The following PDZRN3 variants were observed in gnomAD, a reference collection of about 807,000 sequenced individuals.
PDZRN3 encodes the protein E3 ubiquitin-protein ligase PDZRN3.
A neutral mutation model predicts 85.7 loss-of-function variants in PDZRN3; 38 were observed. That is an observed-to-expected ratio of 0.44 (90% CI 0.34 to 0.58). The LOEUF (loss-of-function observed/expected upper bound fraction) is 0.58. PDZRN3 is among the 20% of genes least tolerant of loss of function. PDZRN3 has a pLI of 0.01. For synonymous variants in PDZRN3, 759 were observed against 638.0 expected (o/e 1.19, Z -2.86); for missense variants, 1,629 against 1,506.4 (o/e 1.08, Z -1.35).
intron 2 of PDZRN3, among the ~76,000 whole-genome samples, chr3:73,603,549 C>T (rs1383700792): frequency 2.6e-5 from 4 of 152,184 alleles, no homozygotes; most frequent in Non-Finnish European, 4.4e-5. Context: ...GAAATGTAAG[C>T]TCAGAATGTT....
At chr3:73,486,825 G>A (rs1045027969) in intron 3 of PDZRN3, among the ~76,000 whole-genome samples, 4 of 152,108 alleles carry the variant, frequency 2.6e-5, no homozygotes, top group African/African-American at 9.7e-5. Context: ...ACATATCAAA[G>A]GTCAGATATT....
At chr3:73,557,737 T>C (rs1701732414) in intron 3 of PDZRN3, among the ~76,000 whole-genome samples, 1 of 152,232 alleles carries the variant, frequency 6.6e-6, no homozygotes, top group Admixed American at 6.5e-5. Flanking sequence ...TTTAAAGATA[T>C]TGGAGACTAT....
chr3:73,616,665 A>G (rs145207640), intron 1 of PDZRN3, among the ~76,000 whole-genome samples: 1 of 152,162 alleles, frequency 6.6e-6, no homozygotes, highest in South Asian at 2.1e-4. Context: ...TTAAATTCCT[A>G]AACTTTCTTC....
intron 3 of PDZRN3, chr3:73,474,770 T>C (rs1183821317): frequency 3.0e-6 from 1 of 329,298 alleles, no homozygotes; most frequent in Non-Finnish European, 5.4e-6. Context: ...AAATGGGCCA[T>C]AAGGTATTAA....
intron 3 of PDZRN3, among the ~76,000 whole-genome samples, chr3:73,415,332 TG>T (rs1240292445): frequency 6.6e-6 from 1 of 152,220 alleles, no homozygotes; most frequent in Non-Finnish European, 1.5e-5. Flanking sequence ...ACTGATGGGC[TG>T]CTGGTGCACG....
intron 3 of PDZRN3, among the ~76,000 whole-genome samples, chr3:73,539,771 A>G (rs1170283426): frequency 6.6e-6 from 1 of 152,126 alleles, no homozygotes; most frequent in Non-Finnish European, 1.5e-5. Context: ...ACAGCAATAG[A>G]TAACTGAAAC....
intron 3 of PDZRN3, among the ~76,000 whole-genome samples, chr3:73,449,816 C>T (rs1022504733): frequency 2.6e-5 from 4 of 152,120 alleles, no homozygotes; most frequent in Admixed American, 2.6e-4. Context: ...ATTGACTTCT[C>T]GACTAAAAAA....
At chr3:73,573,435 C>G (rs146891321) in intron 3 of PDZRN3, among the ~76,000 whole-genome samples, 1 of 152,142 alleles carries the variant, frequency 6.6e-6, no homozygotes, top group East Asian at 1.9e-4. Flanking sequence ...GGTTAACACA[C>G]GTCACTCACC....
chr3:73,492,224 C>T (rs1703784204), intron 3 of PDZRN3, among the ~76,000 whole-genome samples: 1 of 152,142 alleles, frequency 6.6e-6, no homozygotes, highest in Non-Finnish European at 1.5e-5. Context: ...CAAAATATTT[C>T]ACAGAAAAAC....
At chr3:73,484,419 G>T (rs148651869) in intron 3 of PDZRN3, among the ~76,000 whole-genome samples, 4 of 152,154 alleles carry the variant, frequency 2.6e-5, no homozygotes, top group African/African-American at 9.6e-5. Flanking sequence ...CCAATGGAGG[G>T]GGGTGGTTAG....
chr3:73,608,120 C>T (rs796298406), intron 2 of PDZRN3, among the ~76,000 whole-genome samples: 5 of 152,266 alleles, frequency 3.3e-5, no homozygotes, highest in African/African-American at 1.2e-4. Flanking sequence ...GGTCAAAGAG[C>T]TGCAGTGGGA....
At chr3:73,542,756 A>C (rs1227043489) in intron 3 of PDZRN3, among the ~76,000 whole-genome samples, 2 of 152,104 alleles carry the variant, frequency 1.3e-5, no homozygotes, top group Non-Finnish European at 2.9e-5. Flanking sequence ...CCTGGGCGAC[A>C]AGTGGGAAAC....
At chr3:73,447,046 T>TATAC (rs1559684218) in intron 3 of PDZRN3, among the ~76,000 whole-genome samples, 1 of 144,386 alleles carries the variant, frequency 6.9e-6, no homozygotes, top group South Asian at 2.2e-4. Context: ...CTTGACTATA[T>TATAC]ATATATATAT....
chr3:73,600,335 A>T (rs201206439), intron 3 of PDZRN3, among the ~76,000 whole-genome samples: 721 of 46,792 alleles, frequency 0.015, 2 homozygotes, highest in Middle Eastern at 0.059. Flanking sequence ...ACACACACAC[A>T]CACTCTCTCT....
intron 3 of PDZRN3, among the ~76,000 whole-genome samples, chr3:73,431,289 ATTGT>A (rs1702425959): frequency 6.6e-6 from 1 of 152,222 alleles, no homozygotes. Flanking sequence ...AGGCAAAGCC[ATTGT>A]TCTGCATCAT....
intron 3 of PDZRN3, among the ~76,000 whole-genome samples, chr3:73,435,706 C>T (rs1400695473): frequency 6.6e-6 from 1 of 152,146 alleles, no homozygotes; most frequent in African/African-American, 2.4e-5. Context: ...TGATGATGCC[C>T]AGAGCCTCCT....
chr3:73,409,615 C>T (rs550382586), intron 3 of PDZRN3, among the ~76,000 whole-genome samples: 1 of 152,018 alleles, frequency 6.6e-6, no homozygotes, highest in African/African-American at 2.4e-5. Flanking sequence ...GGCGTTTTAC[C>T]AAGACATCGA....
At chr3:73,463,545 T>C (rs1211977020) in intron 3 of PDZRN3, among the ~76,000 whole-genome samples, 1 of 152,152 alleles carries the variant, frequency 6.6e-6, no homozygotes, top group Non-Finnish European at 1.5e-5. Flanking sequence ...CTGGCAAGAT[T>C]GTGGAGAAAA....
chr3:73,619,946 C>T (rs534887557), intron 1 of PDZRN3, among the ~76,000 whole-genome samples: 1 of 152,250 alleles, frequency 6.6e-6, no homozygotes, highest in Non-Finnish European at 1.5e-5. Flanking sequence ...TTTTGCCCCT[C>T]AAGGGACGTT....
Sources: allele counts gnomAD v4.1 joint callset (sites outside exome capture counted in the v4.1 genomes callset), GRCh38; gene constraint gnomAD v4.1.1; transcripts MANE v1.5; gene names NCBI Gene and HGNC (gene_info 2026-07-23, HGNC 2026-07-21).